The following TNRC6B variants were observed in gnomAD, a reference collection of about 807,000 sequenced individuals.
TNRC6B encodes the protein trinucleotide repeat-containing gene 6B protein.
A neutral mutation model predicts 203.6 loss-of-function variants in TNRC6B; 52 were observed. The observed-to-expected ratio is 0.26, with a 90% CI of 0.20 to 0.32. The LOEUF is 0.32. Ranked by LOEUF, TNRC6B falls within the 10% of genes least tolerant of loss-of-function variation. TNRC6B has a pLI of 1.00. For synonymous variants in TNRC6B, 838 were observed against 845.7 expected, an observed-to-expected ratio of 0.99 and a Z score of 0.16; for missense variants, 1,923 against 2,286.2, an observed-to-expected ratio of 0.84 and a Z score of 3.24.
intron 3 of TNRC6B, among the ~76,000 whole-genome samples, chr22:40,258,071 C>CTT (rs56078653): frequency 0.017 from 478 of 28,712 alleles, 17 homozygotes; most frequent in Non-Finnish European, 0.022. Flanking sequence ...GATACACAGC[C>CTT]TTTTTTTTTT....
At chr22:40,320,974 T>C in intron 21 of TNRC6B, 116 bp from the exon 22 acceptor site, 2 of 1,185,484 alleles carry the variant, frequency 1.7e-6, no homozygotes, top group Non-Finnish European at 1.2e-6. Flanking sequence ...GCTGCATTTA[T>C]GGAAACTATT....
intron 1 of TNRC6B, among the ~76,000 whole-genome samples, chr22:40,188,499 G>T (rs1377369538): frequency 2.0e-5 from 3 of 152,150 alleles, no homozygotes; most frequent in Non-Finnish European, 4.4e-5. Context: ...GTATAGTGGT[G>T]AGCAGAAATA....
chr22:40,165,554 C>A (rs2068911972), intron 4 of TNRC6B, among the ~76,000 whole-genome samples: 1 of 152,148 alleles, frequency 6.6e-6, no homozygotes, highest in African/African-American at 2.4e-5. Flanking sequence ...AGCATCCTAC[C>A]TATAGGCCAG....
At chr22:40,099,386 G>C (rs947633456) in intron 1 of TNRC6B, among the ~76,000 whole-genome samples, 1 of 152,044 alleles carries the variant, frequency 6.6e-6, no homozygotes, top group African/African-American at 2.4e-5. Flanking sequence ...CTGATTTGAA[G>C]CACTCTTTTA....
chr22:40,270,364 G>C (rs1295693786), intron 6 of TNRC6B, 84 bp downstream of exon 6: 7 of 1,289,784 alleles, frequency 5.4e-6, no homozygotes, highest in Non-Finnish European at 6.9e-6. Flanking sequence ...TGTCCACCCA[G>C]GCTGGAGTGC....
chr22:40,178,859 AG>A, intron 1 of TNRC6B, among the ~76,000 whole-genome samples: 1 of 152,174 alleles, frequency 6.6e-6, no homozygotes, highest in South Asian at 2.1e-4. Flanking sequence ...ATTCAACCAA[AG>A]GGTAGGACTA....
chr22:40,058,270 T>G (rs943872599), intron 1 of TNRC6B, among the ~76,000 whole-genome samples: 1 of 152,224 alleles, frequency 6.6e-6, no homozygotes, highest in Non-Finnish European at 1.5e-5. Flanking sequence ...AAAAGGCTCT[T>G]GGTAGAAATC....
chr22:40,283,788 G>A (rs2070748861), intron 11 of TNRC6B, among the ~76,000 whole-genome samples: 1 of 152,128 alleles, frequency 6.6e-6, no homozygotes, highest in South Asian at 2.1e-4. Flanking sequence ...GATTTTACAG[G>A]AGATTAAAAA....
At chr22:40,280,281 G>A in intron 10 of TNRC6B, 138 bp downstream of exon 10, 15 of 795,840 alleles carry the variant, frequency 1.9e-5, no homozygotes, top group Admixed American at 2.9e-5. Flanking sequence ...CTGCATTAAC[G>A]TGGTGACCTG....
chr22:40,185,697 C>T (rs913637137), intron 1 of TNRC6B, among the ~76,000 whole-genome samples: 1 of 151,932 alleles, frequency 6.6e-6, no homozygotes, highest in African/African-American at 2.4e-5. Flanking sequence ...CTATGGTAGA[C>T]GGTGGGGACC....
chr22:40,163,456 CAAAAAAAAAAAA>C (rs1180212519), intron 4 of TNRC6B, among the ~76,000 whole-genome samples: 7 of 6,996 alleles, frequency 1.0e-3, no homozygotes, highest in Non-Finnish European at 1.4e-3. Context: ...GACCCTGTCT[CAAAAAAAAAAAA>C]AAAAAAAAAA....
intron 15 of TNRC6B, among the ~76,000 whole-genome samples, chr22:40,304,404 G>C (rs1370054671): frequency 6.6e-6 from 1 of 152,108 alleles, no homozygotes; most frequent in East Asian, 1.9e-4. Context: ...AGAGTGAGAG[G>C]GAGAGGGAGA....
chr22:40,244,412 T>G (rs1014034470), intron 1 of TNRC6B, among the ~76,000 whole-genome samples: 2 of 152,202 alleles, frequency 1.3e-5, no homozygotes, highest in African/African-American at 4.8e-5. Context: ...AAGGCTAATA[T>G]TTGAATGCAG....
chr22:40,158,346 A>G (rs886758111), intron 4 of TNRC6B, among the ~76,000 whole-genome samples: 8 of 91,758 alleles, frequency 8.7e-5, no homozygotes, highest in Non-Finnish European at 1.9e-4. Flanking sequence ...TCTTCAATAA[A>G]TAAATAAATA....
At position 40,265,683 on chromosome 22, in the gene TNRC6B, A is replaced by T; in HGVS notation, c.1453A>T (p.Asn485Tyr). 6.2e-7 allele frequency: 1 copy of T among 1,614,024 alleles called. No homozygotes were observed. The highest frequency in any genetic ancestry group is 8.5e-7 in the Non-Finnish European group (1 of 1,179,884). Residue 485 changes from asparagine to tyrosine, a missense_variant, in exon 5 of 23, where the codon AAC (asparagine) becomes TAC (tyrosine). Coordinates refer to ENST00000454349, the MANE Select transcript of TNRC6B (RefSeq NM_001162501.2). ...TAACAGGTCTACGGGTGGGTCCTGG[A>T]ACTTTGGCCCCCAGGACTCTAATGA... Reference protein sequence around the residue: ...NNNRSTGGSWNFGPQDSNDNK... With the variant: ...NNNRSTGGSWYFGPQDSNDNK...
chr22:40,104,733 T>C (rs1190471531), intron 1 of TNRC6B, among the ~76,000 whole-genome samples: 4 of 152,214 alleles, frequency 2.6e-5, no homozygotes, highest in African/African-American at 9.6e-5. Flanking sequence ...GATGATATCA[T>C]AGCTCACACT....
At chr22:40,093,831 G>A (rs1412683453) in intron 1 of TNRC6B, among the ~76,000 whole-genome samples, 1 of 152,018 alleles carries the variant, frequency 6.6e-6, no homozygotes, top group Non-Finnish European at 1.5e-5. Context: ...TGACAAGTGG[G>A]AATGGTTGAT....
In TNRC6B at chr22:40,329,744, T is replaced by C. The variant is rs2071445433; in HGVS notation, c.*6503T>C. The C allele has an allele frequency of 1.3e-5, 2 of 152,060 alleles. No homozygotes were observed. Among genetic ancestry groups the C allele is most frequent in the South Asian group, 4.1e-4 (2 of 4,820 alleles). The allele number at this position is 152,060 out of a possible 1,614,324, so 9.4% of individuals were successfully genotyped here. ...AGTGATTGTGGCATACCCCTAATATTTGAGTAGTTTTTAAGCTGTCAGTCT... is the reference window on the plus strand; with the variant it reads ...AGTGATTGTGGCATACCCCTAATATCTGAGTAGTTTTTAAGCTGTCAGTCT... On this transcript the variant is annotated 3_prime_UTR_variant, in exon 23 of 23. Coordinates refer to ENST00000454349, the MANE Select transcript of TNRC6B (RefSeq NM_001162501.2).
Position 40,149,461 on chromosome 22 carries a change from G to A in TNRC6B, c.46-6654G>A, listed in dbSNP as rs532953035. Among the ~76,000 whole-genome samples, 5 of 152,218 alleles carry A rather than the reference G, an allele frequency of 3.3e-5. No individual in the cohort carries two copies. In the South Asian group the frequency reaches 1.0e-3, roughly 32 times the overall value. On this transcript the variant is annotated intron_variant, in intron 3 of 23. Transcript: ENST00000301923. ...AGGCGGGCAAATCACGAGGTCAGGA[G>A]TTTGAGACCAGCCTGGCCAATATGG...
Sources: allele counts gnomAD v4.1 joint callset (sites outside exome capture counted in the v4.1 genomes callset), GRCh38; gene constraint gnomAD v4.1.1; transcripts MANE v1.5; gene names NCBI Gene and HGNC (gene_info 2026-07-23, HGNC 2026-07-21).